Variants in TUBGCP3 observed in about 807,000 individuals in gnomAD.
TUBGCP3 encodes tubulin gamma complex component 3, also known as gamma-tubulin complex component 3.
TUBGCP3 carries 50 observed loss-of-function variants against 123.1 expected under a neutral mutation model. The observed-to-expected ratio is 0.41, with a 90% confidence interval of 0.32 to 0.51. The LOEUF is 0.51. TUBGCP3 is among the 20% of genes least tolerant of loss of function. The probability of loss-of-function intolerance (pLI) is 0.36; values close to 1 mark genes in which losing one functional copy is unlikely to be tolerated. For synonymous variants in TUBGCP3, 405 were observed against 413.9 expected (o/e 0.98, Z 0.26); for missense variants, 882 against 1,127.0 (o/e 0.78, Z 3.11).
Position 112,504,101 on chromosome 13 carries a change from G to A in TUBGCP3, c.2238C>T (p.His746=). ...NKVQQAQDLD[H]IIAAHEVFLD... is the part of the protein sequence containing the mutation. Reference sequence around the variant, plus strand: ...AGAACACCTCGTGTGCAGCAATGATGTGATCCAAATCCTGGGCCTGCTGGA... The same window carrying A: ...AGAACACCTCGTGTGCAGCAATGATATGATCCAAATCCTGGGCCTGCTGGA... The change falls in exon 19 of 22, where the codon CAC becomes CAT. Residue 746 remains histidine, a synonymous_variant. Transcript: ENST00000261965. The A allele has an allele frequency of 6.2e-7, 1 of 1,614,178 alleles. No homozygotes were observed. Among genetic ancestry groups the A allele is most frequent in the African/African-American group, 1.3e-5 (1 of 75,040 alleles).
Position 112,577,841 on chromosome 13 carries a change from T to C in TUBGCP3, c.77-8582A>G, listed in dbSNP as rs779599864. ...GAGTGGGGAGCCATGGCATCAATAT[T>C]TTTTAAAGCTCCGTTTTCAAACTTT... On this transcript the variant is annotated intron_variant, in intron 1 of 21. Transcript: ENST00000261965. Among the ~76,000 whole-genome samples, 4 of 152,188 alleles carry C rather than the reference T, an allele frequency of 2.6e-5. No homozygotes were observed. In the South Asian group the frequency reaches 6.2e-4, roughly 24 times the overall value.
intron 3 of TUBGCP3, among the ~76,000 whole-genome samples, chr13:112,562,369 G>C (rs1027755077): frequency 3.2e-4 from 48 of 152,348 alleles, no homozygotes; most frequent in African/African-American, 1.1e-3. Context: ...TGAGACCAGA[G>C]AGATCAGGCT....
At position 112,485,592 on chromosome 13, in the gene TUBGCP3, A is replaced by T. The variant is rs140932997; in HGVS notation, c.*401T>A. 1.7e-4 allele frequency: 28 copies of T among 165,412 alleles called. No homozygotes were observed. In the East Asian group the frequency reaches 4.7e-3, roughly 28 times the overall value. The allele number at this position is 165,412 out of a possible 1,614,324, so 10.2% of individuals were successfully genotyped here. ...AAAAATTACCTCTAAAGAGGATGTT[A>T]AAAAAATAGCAATGACGTTACCATC... On this transcript the variant is annotated 3_prime_UTR_variant, in exon 22 of 22. Coordinates refer to ENST00000261965, the MANE Select transcript of TUBGCP3 (RefSeq NM_006322.6).
chr13:112,526,050 C>T (rs1877035959), intron 13 of TUBGCP3, among the ~76,000 whole-genome samples: 1 of 152,066 alleles, frequency 6.6e-6, no homozygotes, highest in Non-Finnish European at 1.5e-5. Context: ...TCATCATCAC[C>T]TCCACTATCA....
At chr13:112,590,497 A>AT (rs1311242918), upstream of TUBGCP3, among the ~76,000 whole-genome samples, 4 of 151,842 alleles carry the variant, frequency 2.6e-5, no homozygotes, top group Admixed American at 2.6e-4. Flanking sequence ...TGGCAACTAG[A>AT]TTTTTTCAGC....
rs1381382457 is a variant in TUBGCP3 at position 112,539,547 on chromosome 13, C to CA, written c.1335+6151dup. On this transcript the variant is annotated intron_variant, in intron 11 of 21. Coordinates refer to ENST00000261965, the MANE Select transcript of TUBGCP3 (RefSeq NM_006322.6). The stretch of plus-strand genomic sequence containing the variant: ...CTACAAGCAAAATTAGTGAAGCAAA[C>CA]AAGAGTATCTCAGGTGTAAAGAGCT... 6.6e-5 allele frequency among the ~76,000 whole-genome samples: 10 copies of CA among 152,328 alleles called. No homozygotes were observed. In the East Asian group the frequency reaches 1.9e-3, roughly 29 times the overall value.
intron 1 of TUBGCP3, 76 bp from the exon 2 acceptor site, chr13:112,569,335 A>G: frequency 7.7e-7 from 1 of 1,305,902 alleles, no homozygotes; most frequent in Non-Finnish European, 1.1e-6. Flanking sequence ...CCAGTTCAAG[A>G]CAGTGAACTA....
At chr13:112,549,784 T>C (rs1019319299) in intron 8 of TUBGCP3, among the ~76,000 whole-genome samples, 3 of 151,632 alleles carry the variant, frequency 2.0e-5, no homozygotes, top group African/African-American at 7.3e-5. Context: ...GGCCAGGAGA[T>C]CGAGACCATC....
chr13:112,514,721 T>C (rs2139041952), intron 17 of TUBGCP3, among the ~76,000 whole-genome samples: 1 of 152,220 alleles, frequency 6.6e-6, no homozygotes, highest in Admixed American at 6.5e-5. Flanking sequence ...ATCAATAGAG[T>C]TAAAATATGA....
In TUBGCP3 at chr13:112,496,520, A is replaced by G. The variant is rs145236462; in HGVS notation, c.2448+2525T>C. 5.1e-3 allele frequency among the ~76,000 whole-genome samples: 776 copies of G among 152,308 alleles called. 8 individuals are homozygous for G. Among genetic ancestry groups the G allele is most frequent in the African/African-American group, 0.018 (745 of 41,576 alleles). On this transcript the variant is annotated intron_variant, in intron 20 of 21. Transcript: ENST00000261965. ...TTTAAACTTAAATAACTTCTCAGAT[A>G]TGGTTTTAGCTTTTGTGTCTCTTCC...
chr13:112,596,303 G>C, the TUBGCP3 span, among the ~76,000 whole-genome samples: 1 of 152,254 alleles, frequency 6.6e-6, no homozygotes, highest in Admixed American at 6.5e-5. Flanking sequence ...GGATAGGTAT[G>C]ATGGCAGCAA....
intron 3 of TUBGCP3, among the ~76,000 whole-genome samples, chr13:112,563,537 A>G (rs1880685966): frequency 6.6e-6 from 1 of 152,050 alleles, no homozygotes; most frequent in African/African-American, 2.4e-5. Flanking sequence ...GCTCCAAACA[A>G]AATTTTGGAA....
At chr13:112,541,963 T>G (rs1411622133) in intron 11 of TUBGCP3, among the ~76,000 whole-genome samples, 1 of 152,212 alleles carries the variant, frequency 6.6e-6, no homozygotes, top group Admixed American at 6.5e-5. Flanking sequence ...AAAGATTGCC[T>G]TAAAATATCA....
chr13:112,554,327 G>T, intron 7 of TUBGCP3, 145 bp from the exon 8 acceptor site: 1 of 1,005,100 alleles, frequency 9.9e-7, no homozygotes, highest in Non-Finnish European at 1.4e-6. Context: ...CATCACTAAA[G>T]GGAAGGAAAG....
Position 112,504,179 on chromosome 13 carries a change from T to G in TUBGCP3, c.2176-16A>C. On this transcript the variant is annotated splice_polypyrimidine_tract_variant and intron_variant, in intron 18 of 21. Coordinates refer to ENST00000261965, the MANE Select transcript of TUBGCP3 (RefSeq NM_006322.6). ...ATTCAAGCACCTGGGAAACAACAAT[T>G]TAAAGACGCTAGATAAGCTCATGTC... The G allele has an allele frequency of 6.2e-7, 1 of 1,613,960 alleles. No homozygotes were observed. The highest frequency in any genetic ancestry group is 1.3e-5 in the African/African-American group (1 of 75,002).
In TUBGCP3 at chr13:112,556,039, G is replaced by T; in HGVS notation, c.721+13C>A. 6.2e-7 allele frequency: 1 copy of T among 1,608,656 alleles called. No individual in the cohort carries two copies. The highest frequency in any genetic ancestry group is 8.5e-7 in the Non-Finnish European group (1 of 1,175,624). ...TTCACAGAAAAGCTGTATTAACATA[G>T]ATCCTTACTCACCACCCGTATCCCC... is the stretch of plus-strand genomic sequence containing the variant. On this transcript the variant is annotated intron_variant, in intron 6 of 21. Coordinates refer to ENST00000261965, the MANE Select transcript of TUBGCP3 (RefSeq NM_006322.6).
At position 112,520,114 on chromosome 13, in the gene TUBGCP3, T is replaced by C. The variant is rs1876489839; in HGVS notation, c.1746-93A>G. On this transcript the variant is annotated intron_variant, in intron 14 of 21. Transcript: ENST00000261965. ...AAACTATTAAAAGTAAGAGTTCAAATTATAAAAACTCAAAAGACAAATGGG... is the reference window on the plus strand; with the variant it reads ...AAACTATTAAAAGTAAGAGTTCAAACTATAAAAACTCAAAAGACAAATGGG... 5 of 1,275,156 alleles carry C rather than the reference T, an allele frequency of 3.9e-6. No homozygotes were observed. In the South Asian group the frequency reaches 4.9e-5, roughly 12 times the overall value. The allele number at this position is 1,275,156 out of a possible 1,614,324, so 79.0% of individuals were successfully genotyped here. A position where few individuals can be genotyped will look rare whatever the true frequency, so the allele number is the denominator to read the frequency against.
rs146530254 is a variant in TUBGCP3, at chr13:112,568,494, G to C, written c.184+658C>G. On this transcript the variant is annotated intron_variant, in intron 2 of 21. Transcript: ENST00000261965. ...CCAAGGCCAAATGGACTTCTAAAAG[G>C]TGTTATTACTGAGACCCACAGCCAA... 5.8e-3 allele frequency among the ~76,000 whole-genome samples: 879 copies of C among 151,180 alleles called. 4 individuals carry two copies. Among genetic ancestry groups the C allele is most frequent in the African/African-American group, 0.02 (834 of 41,060 alleles).
At chr13:112,529,018 A>AT (rs1308861362) in intron 11 of TUBGCP3, among the ~76,000 whole-genome samples, 7 of 151,868 alleles carry the variant, frequency 4.6e-5, no homozygotes, top group Admixed American at 1.3e-4. Context: ...TGCCTGGCTA[A>AT]TTTTTTGCAT....
Sources: gnomAD v4.1 joint callset for allele counts (sites outside exome capture counted in the v4.1 genomes callset) on GRCh38, gnomAD v4.1.1 for gene constraint, MANE v1.5 for transcripts, NCBI Gene and HGNC (gene_info 2026-07-23, HGNC 2026-07-21) for gene names.